KIF26B: variants seen among roughly 807,000 people sequenced by gnomAD.
KIF26B encodes kinesin family member 26B.
A neutral mutation model predicts 151.2 loss-of-function variants in KIF26B; 63 were observed. The ratio of observed to expected loss-of-function variants is 0.42; its 90% confidence interval spans 0.34 to 0.51. KIF26B has a LOEUF of 0.51. KIF26B is among the 20% of genes least tolerant of loss of function. The pLI, the probability that KIF26B is intolerant of heterozygous loss-of-function variation, is 0.07. For missense variants in KIF26B, 2,813 were observed against 2,913.6 expected (o/e 0.97, Z 0.79); for synonymous variants, 1,357 against 1,262.1 (o/e 1.08, Z -1.59).
At chr1:245,665,141 A>G (rs1443462370) in intron 10 of KIF26B, among the ~76,000 whole-genome samples, 4 of 152,226 alleles carry the variant, frequency 2.6e-5, no homozygotes, top group Non-Finnish European at 5.9e-5. Context: ...TTAATCTTCT[A>G]TACAGTTTGA....
intron 2 of KIF26B, among the ~76,000 whole-genome samples, chr1:245,236,064 G>A (rs1036818619): frequency 2.6e-5 from 4 of 151,852 alleles, no homozygotes; most frequent in African/African-American, 7.3e-5. Flanking sequence ...CGAGTAGCTG[G>A]GACTACAGGT....
rs937134973 is a variant in KIF26B at position 245,461,195 on chromosome 1, G to A, written c.1166+41450G>A. ...CTTACCTCAAATTCCAAAACAACAT[G>A]TGGGGACTCTGTTGAGAAGCCTGGG... On this transcript the variant is annotated intron_variant, in intron 4 of 14. Coordinates refer to ENST00000407071, the MANE Select transcript of KIF26B (RefSeq NM_018012.4). Among the ~76,000 whole-genome samples, 3 of 152,168 alleles carry A rather than the reference G, an allele frequency of 2.0e-5. No homozygotes were observed. The East Asian group carries it at 5.8e-4, about 29-fold the overall frequency.
chr1:245,651,415 C>T (rs192948575), intron 10 of KIF26B, among the ~76,000 whole-genome samples: 7 of 152,294 alleles, frequency 4.6e-5, no homozygotes, highest in East Asian at 1.9e-4. Flanking sequence ...AACTTCAGGA[C>T]GAGCCTCTGA....
intron 4 of KIF26B, among the ~76,000 whole-genome samples, chr1:245,457,473 A>G (rs1659561329): frequency 6.6e-6 from 1 of 152,242 alleles, no homozygotes; most frequent in Non-Finnish European, 1.5e-5. Flanking sequence ...AAATAGAATG[A>G]TATTAGAAAG....
chr1:245,419,488 GCCTC>G (rs1243920164), intron 3 of KIF26B, 87 bp from the exon 4 acceptor site: 1 of 1,245,588 alleles, frequency 8.0e-7, no homozygotes, highest in Non-Finnish European at 1.1e-6. Flanking sequence ...GTTCCCTCTT[GCCTC>G]CCTCCCCCAA....
chr1:245,573,787 C>T (rs1407796323), intron 5 of KIF26B, among the ~76,000 whole-genome samples: 30 of 152,134 alleles, frequency 2.0e-4, no homozygotes, highest in Admixed American at 1.9e-3. Flanking sequence ...GTACCGAGCC[C>T]TGTATGTGCT....
At chr1:245,253,009 A>ATT (rs199535347) in intron 2 of KIF26B, among the ~76,000 whole-genome samples, 52 of 135,254 alleles carry the variant, frequency 3.8e-4, no homozygotes, top group South Asian at 7.1e-4. Context: ...TTTTTTCTTA[A>ATT]TTTTTTTTTT....
rs146335103 is a variant in KIF26B at position 245,409,348 on chromosome 1, C to T, written c.1000-10231C>T. Among the ~76,000 whole-genome samples, 70 of 152,302 alleles carry T rather than the reference C, an allele frequency of 4.6e-4. No individual in the cohort carries two copies. In the East Asian group the frequency reaches 0.011, roughly 24 times the overall value. On this transcript the variant is annotated intron_variant, in intron 3 of 14. Transcript: ENST00000407071. ...GTCCTTCCTGGAGCAGGCGGGCAGC[C>T]CTGCCCCTTTATCTTCTGGCAATAC...
At chr1:245,439,594 T>C (rs542749294) in intron 4 of KIF26B, among the ~76,000 whole-genome samples, 3 of 152,104 alleles carry the variant, frequency 2.0e-5, no homozygotes, top group Non-Finnish European at 4.4e-5. Context: ...TCCAAATTGG[T>C]ACACAAATCT....
intron 9 of KIF26B, among the ~76,000 whole-genome samples, chr1:245,638,368 A>G (rs1371169298): frequency 6.6e-6 from 1 of 151,866 alleles, no homozygotes; most frequent in Admixed American, 6.6e-5. Context: ...ATCAGTTCTA[A>G]AAGTTTTTTG....
At chr1:245,416,789 G>T (rs918628228) in intron 3 of KIF26B, among the ~76,000 whole-genome samples, 1 of 152,106 alleles carries the variant, frequency 6.6e-6, no homozygotes, top group Non-Finnish European at 1.5e-5. Flanking sequence ...TGAAACTGAG[G>T]GGGAGGTAAA....
chr1:245,179,331 AAAAC>A (rs1449008602), intron 2 of KIF26B, among the ~76,000 whole-genome samples: 7 of 152,188 alleles, frequency 4.6e-5, no homozygotes, highest in Non-Finnish European at 7.4e-5. Flanking sequence ...TATGGATTCA[AAAAC>A]AAAGGAGGCC....
At chr1:245,451,279 A>AACATTTTTATTAACATTTC (rs1222169460) in intron 4 of KIF26B, among the ~76,000 whole-genome samples, 3 of 152,120 alleles carry the variant, frequency 2.0e-5, no homozygotes, top group African/African-American at 7.2e-5. Flanking sequence ...TCAGATAGAT[A>AACATTTTTATTAACATTTC]GTGTTTTTAT....
At chr1:245,694,105 C>T (rs1290251094) in intron 12 of KIF26B, among the ~76,000 whole-genome samples, 1 of 152,204 alleles carries the variant, frequency 6.6e-6, no homozygotes, top group Non-Finnish European at 1.5e-5. Context: ...CGGGAGGAAG[C>T]CCAGGCTCGG....
chr1:245,201,346 C>T (rs1276072717), intron 2 of KIF26B, among the ~76,000 whole-genome samples: 1 of 152,200 alleles, frequency 6.6e-6, no homozygotes, highest in Non-Finnish European at 1.5e-5. Context: ...GCACAGTGAC[C>T]TGCCTTAACA....
intron 9 of KIF26B, among the ~76,000 whole-genome samples, chr1:245,631,982 T>C (rs2043785703): frequency 2.6e-5 from 4 of 152,156 alleles, no homozygotes; most frequent in Non-Finnish European, 5.9e-5. Flanking sequence ...TTTTGGTTCC[T>C]TTCAAAAATC....
chr1:245,343,645 T>C (rs1235191836), intron 2 of KIF26B, among the ~76,000 whole-genome samples: 1 of 152,212 alleles, frequency 6.6e-6, no homozygotes, highest in Non-Finnish European at 1.5e-5. Context: ...ACTTCATTCG[T>C]GCCAGCCGCA....
chr1:245,662,486 AAT>A (rs72033356), intron 10 of KIF26B, among the ~76,000 whole-genome samples: 98,246 of 144,798 alleles, frequency 0.68, 33,500 homozygotes, highest in East Asian at 0.82. Flanking sequence ...ACACACACCC[AAT>A]ATATATATAT....
intron 2 of KIF26B, among the ~76,000 whole-genome samples, chr1:245,314,766 C>T (rs994055314): frequency 3.9e-5 from 6 of 152,214 alleles, no homozygotes; most frequent in Non-Finnish European, 7.3e-5. Context: ...TATCCCAGCA[C>T]GCTTCCTCAA....
Sources: allele counts gnomAD v4.1 joint callset (sites outside exome capture counted in the v4.1 genomes callset), GRCh38; gene constraint gnomAD v4.1.1; transcripts MANE v1.5; gene names NCBI Gene and HGNC (gene_info 2026-07-23, HGNC 2026-07-21).